TMEM132D: variants seen among roughly 807,000 people sequenced by gnomAD.
TMEM132D encodes transmembrane protein 132D.
In TMEM132D, 21 loss-of-function variants were observed where a neutral mutation model predicts 62.3. The ratio of observed to expected loss-of-function variants is 0.34; its 90% CI spans 0.24 to 0.49. The LOEUF (loss-of-function observed/expected upper bound fraction) is 0.49, where lower values mean the gene tolerates loss of function less well. TMEM132D is among the 20% of genes least tolerant of loss of function. The pLI is 0.99. For synonymous variants in TMEM132D, 621 were observed against 575.6 expected (o/e 1.08, Z -1.13); for missense variants, 1,346 against 1,402.8 (o/e 0.96, Z 0.65).
At chr12:129,410,266 C>T (rs1339978933) in intron 3 of TMEM132D, among the ~76,000 whole-genome samples, 4 of 152,208 alleles carry the variant, frequency 2.6e-5, no homozygotes, top group Non-Finnish European at 5.9e-5. Context: ...AGTTTACCGG[C>T]ATGCAACATT....
chr12:129,270,009 A>G (rs2135600258), intron 4 of TMEM132D, among the ~76,000 whole-genome samples: 1 of 152,280 alleles, frequency 6.6e-6, no homozygotes, highest in East Asian at 1.9e-4. Context: ...TGGGAAAATC[A>G]AGCGAGCCAC....
chr12:129,147,303 T>TACATGTGCATATGTATATATAC (rs1259266977), intron 5 of TMEM132D, among the ~76,000 whole-genome samples: 2 of 150,132 alleles, frequency 1.3e-5, no homozygotes, highest in African/African-American at 4.9e-5. Flanking sequence ...TGTATATATA[T>TACATGTGCATATGTATATATAC]ACATATGTGT....
intron 3 of TMEM132D, among the ~76,000 whole-genome samples, chr12:129,476,555 G>T (rs73429749): frequency 2.6e-5 from 4 of 152,130 alleles, no homozygotes; most frequent in African/African-American, 9.7e-5. Context: ...AACACTCCTT[G>T]GGTCCAGGGG....
intron 4 of TMEM132D, among the ~76,000 whole-genome samples, chr12:129,250,000 G>A (rs989010594): frequency 6.6e-6 from 1 of 152,188 alleles, no homozygotes; most frequent in African/African-American, 2.4e-5. Flanking sequence ...TGTAGAGGAG[G>A]TGGGCGTACC....
intron 1 of TMEM132D, among the ~76,000 whole-genome samples, chr12:129,745,963 C>T (rs567446429): frequency 1.4e-4 from 21 of 152,294 alleles, no homozygotes; most frequent in Admixed American, 1.2e-3. Flanking sequence ...TCTTTGGTGA[C>T]TCAGGCACAG....
chr12:129,081,544 C>G (rs1055679040), intron 7 of TMEM132D, among the ~76,000 whole-genome samples: 6 of 152,046 alleles, frequency 3.9e-5, no homozygotes, highest in Non-Finnish European at 8.8e-5. Flanking sequence ...ATGACCTGCC[C>G]GCCTCGGCCT....
intron 1 of TMEM132D, among the ~76,000 whole-genome samples, chr12:129,776,335 G>A (rs928801848): frequency 4.6e-5 from 7 of 152,082 alleles, no homozygotes; most frequent in African/African-American, 1.4e-4. Context: ...TTCTAAGGCC[G>A]ACTGCTGAAA....
At chr12:129,504,167 CCATCAT>C (rs897327775) in intron 3 of TMEM132D, among the ~76,000 whole-genome samples, 122 of 152,242 alleles carry the variant, frequency 8.0e-4, no homozygotes, top group African/African-American at 2.8e-3. Context: ...ATCACCATCA[CCATCAT>C]CATCATCCTG....
At chr12:129,264,421 C>T (rs1047603818) in intron 4 of TMEM132D, among the ~76,000 whole-genome samples, 13 of 152,072 alleles carry the variant, frequency 8.5e-5, no homozygotes, top group Admixed American at 7.9e-4. Flanking sequence ...AAAACCAGTA[C>T]ATTTTGGCGT....
At chr12:129,244,774 C>G (rs557720262) in intron 4 of TMEM132D, among the ~76,000 whole-genome samples, 1 of 151,900 alleles carries the variant, frequency 6.6e-6, no homozygotes, top group Non-Finnish European at 1.5e-5. Flanking sequence ...CCGAGTACCT[C>G]GAATCACAGG....
intron 1 of TMEM132D, among the ~76,000 whole-genome samples, chr12:129,715,658 C>G (rs1450994387): frequency 6.6e-6 from 1 of 152,200 alleles, no homozygotes; most frequent in African/African-American, 2.4e-5. Flanking sequence ...TGTGCCTCTT[C>G]GACTTCTCCT....
intron 5 of TMEM132D, among the ~76,000 whole-genome samples, chr12:129,196,106 G>A (rs964450421): frequency 7.9e-5 from 12 of 151,946 alleles, no homozygotes; most frequent in African/African-American, 2.4e-4. Context: ...CAACCTGGGC[G>A]ACAGAGTGAG....
chr12:129,665,889 C>A (rs1880364347), intron 2 of TMEM132D, among the ~76,000 whole-genome samples: 1 of 152,000 alleles, frequency 6.6e-6, no homozygotes, highest in Non-Finnish European at 1.5e-5. Flanking sequence ...CATTTTATAG[C>A]TTTTTTTCAG....
intron 4 of TMEM132D, among the ~76,000 whole-genome samples, chr12:129,328,563 G>T (rs1477325423): frequency 6.6e-6 from 1 of 152,200 alleles, no homozygotes; most frequent in Non-Finnish European, 1.5e-5. Flanking sequence ...GGAGAGGATG[G>T]TTCATTAGGG....
At chr12:129,504,532 T>C (rs998496570) in intron 3 of TMEM132D, among the ~76,000 whole-genome samples, 1 of 152,202 alleles carries the variant, frequency 6.6e-6, no homozygotes, top group East Asian at 1.9e-4. Flanking sequence ...CATAGTAGCC[T>C]TGAATTATTT....
intron 3 of TMEM132D, among the ~76,000 whole-genome samples, chr12:129,483,446 C>G (rs571569822): frequency 7.5e-4 from 115 of 152,332 alleles, no homozygotes; most frequent in African/African-American, 2.5e-3. Flanking sequence ...CTGAGTAACA[C>G]GCATTCTCGA....
chr12:129,844,595 C>T (rs1433562703), intron 1 of TMEM132D, among the ~76,000 whole-genome samples: 1 of 152,162 alleles, frequency 6.6e-6, no homozygotes. Context: ...CTAAGCAAAG[C>T]CTGTGAGCCC....
At chr12:129,550,923 T>C (rs1447844563) in intron 2 of TMEM132D, among the ~76,000 whole-genome samples, 1 of 152,198 alleles carries the variant, frequency 6.6e-6, no homozygotes, top group Non-Finnish European at 1.5e-5. Flanking sequence ...CTGTGAGTTC[T>C]GTTATGAGAG....
Position 129,807,939 on chromosome 12 carries a change from G to C in TMEM132D, c.79+95322C>G, listed in dbSNP as rs138575667. ...GGTGCTGGTGAAAACTGAACAATGAGTTCCAAAGCAGCAGCAAGTCTTGGG... is the reference window on the plus strand; with the variant it reads ...GGTGCTGGTGAAAACTGAACAATGACTTCCAAAGCAGCAGCAAGTCTTGGG... On this transcript the variant is annotated intron_variant, in intron 1 of 8. Coordinates refer to ENST00000422113, the MANE Select transcript of TMEM132D (RefSeq NM_133448.3). 8.6e-4 allele frequency among the ~76,000 whole-genome samples: 131 copies of C among 152,280 alleles called. 1 individual carries two copies. The highest frequency in any genetic ancestry group is 2.9e-3 in the African/African-American group (121 of 41,556).
Sources: gnomAD v4.1 joint callset for allele counts (sites outside exome capture counted in the v4.1 genomes callset) on GRCh38, gnomAD v4.1.1 for gene constraint, MANE v1.5 for transcripts, NCBI Gene and HGNC (gene_info 2026-07-23, HGNC 2026-07-21) for gene names.